FRMD3: variants seen among roughly 807,000 people sequenced by gnomAD.
The protein encoded by FRMD3 is FERM domain containing 3, also known as FERM domain-containing protein 3.
FRMD3 carries 33 observed loss-of-function variants against 70.2 expected under a neutral mutation model. The observed-to-expected ratio is 0.47, with a 90% CI of 0.36 to 0.63. The LOEUF (loss-of-function observed/expected upper bound fraction) is 0.63. Ranked by LOEUF, FRMD3 falls within the 20% of genes least tolerant of loss-of-function variation. The probability of loss-of-function intolerance (pLI) is 0.00; values close to 1 mark genes in which losing one functional copy is unlikely to be tolerated. For synonymous variants in FRMD3, 279 were observed against 255.9 expected (o/e 1.09, Z -0.86); for missense variants, 632 against 711.4 (o/e 0.89, Z 1.27).
intron 1 of FRMD3, among the ~76,000 whole-genome samples, chr9:83,442,376 G>A (rs984416347): frequency 6.7e-6 from 1 of 150,198 alleles, no homozygotes; most frequent in Non-Finnish European, 1.5e-5. Flanking sequence ...TCCTGCCTCA[G>A]CCTCCCAAGT....
At chr9:83,306,612 T>C (rs915262933) in intron 10 of FRMD3, among the ~76,000 whole-genome samples, 1 of 152,110 alleles carries the variant, frequency 6.6e-6, no homozygotes, top group Non-Finnish European at 1.5e-5. Flanking sequence ...TTTTTTCATT[T>C]CCCCCTTGGT....
intron 3 of FRMD3, 135 bp downstream of exon 3, chr9:83,372,778 G>A (rs1025694710): frequency 2.6e-6 from 2 of 770,244 alleles, no homozygotes; most frequent in African/African-American, 1.7e-5. Flanking sequence ...GAGCTCTCCT[G>A]GGGAGAGAGA....
chr9:83,417,519 T>C (rs1433194822), intron 1 of FRMD3, among the ~76,000 whole-genome samples: 1 of 152,204 alleles, frequency 6.6e-6, no homozygotes, highest in East Asian at 1.9e-4. Flanking sequence ...ATGTTTCCTA[T>C]ATGGAAACAG....
At chr9:83,467,738 G>C in intron 1 of FRMD3, 1 of 1,522,830 alleles carries the variant, frequency 6.6e-7, no homozygotes, top group Non-Finnish European at 8.8e-7. Context: ...GGGAGCTCTA[G>C]GGCTCCAATC....
chr9:83,520,366 A>G (rs909072525), intron 1 of FRMD3, among the ~76,000 whole-genome samples: 4 of 152,248 alleles, frequency 2.6e-5, no homozygotes, highest in African/African-American at 7.2e-5. Flanking sequence ...TTATGAAAGT[A>G]ACACATGCTT....
chr9:83,277,751 G>T (rs1233669319), intron 13 of FRMD3, among the ~76,000 whole-genome samples: 2 of 152,180 alleles, frequency 1.3e-5, no homozygotes, highest in Non-Finnish European at 2.9e-5. Flanking sequence ...TATTCTACTT[G>T]TATGCTTTCT....
chr9:83,270,642 T>C (rs972039524), intron 13 of FRMD3, among the ~76,000 whole-genome samples: 1 of 152,240 alleles, frequency 6.6e-6, no homozygotes, highest in Non-Finnish European at 1.5e-5. Context: ...GTTCCAATCC[T>C]GGCTGCATCG....
the FRMD3 span, among the ~76,000 whole-genome samples, chr9:83,549,279 T>C: frequency 2.6e-5 from 4 of 152,270 alleles, no homozygotes; most frequent in Admixed American, 2.6e-4. Flanking sequence ...GTAAAATATA[T>C]GATATTGTTC....
intron 1 of FRMD3, among the ~76,000 whole-genome samples, chr9:83,479,345 A>G (rs28645915): frequency 0.56 from 59,246 of 105,590 alleles, 12,791 homozygotes; most frequent in African/African-American, 0.62. Context: ...AAGAGGAAGA[A>G]GGAGGAGGAG....
chr9:83,334,231 G>A (rs1458709226), intron 6 of FRMD3, among the ~76,000 whole-genome samples: 1 of 152,140 alleles, frequency 6.6e-6, no homozygotes, highest in Non-Finnish European at 1.5e-5. Flanking sequence ...AGAATTTCAT[G>A]TATCTTCAAC....
intron 1 of FRMD3, among the ~76,000 whole-genome samples, chr9:83,410,114 G>C (rs1371590555): frequency 1.3e-5 from 2 of 152,106 alleles, no homozygotes; most frequent in African/African-American, 4.8e-5. Flanking sequence ...GAAGAACCAG[G>C]AAACCCTAAA....
intron 1 of FRMD3, among the ~76,000 whole-genome samples, chr9:83,534,364 T>A (rs1166584351): frequency 6.6e-6 from 1 of 152,246 alleles, no homozygotes; most frequent in Non-Finnish European, 1.5e-5. Context: ...CTAGGTTGTG[T>A]GTTTGAAAGT....
At chr9:83,314,996 C>T (rs1239263526) in intron 6 of FRMD3, among the ~76,000 whole-genome samples, 1 of 152,148 alleles carries the variant, frequency 6.6e-6, no homozygotes, top group Admixed American at 6.5e-5. Flanking sequence ...TTCAAATGTC[C>T]AGCCTGCTAA....
intron 1 of FRMD3, among the ~76,000 whole-genome samples, chr9:83,423,839 A>G (rs934712017): frequency 6.6e-6 from 1 of 151,624 alleles, no homozygotes; most frequent in Non-Finnish European, 1.5e-5. Context: ...CAGGTGATCC[A>G]CTTGCCGCTG....
intron 3 of FRMD3, among the ~76,000 whole-genome samples, chr9:83,372,074 C>G (rs1440106144): frequency 6.6e-6 from 1 of 152,154 alleles, no homozygotes; most frequent in Non-Finnish European, 1.5e-5. Context: ...TGACGAGAAA[C>G]TGATTCATCA....
At chr9:83,304,649 C>T (rs1835054822) in intron 10 of FRMD3, among the ~76,000 whole-genome samples, 2 of 152,218 alleles carry the variant, frequency 1.3e-5, no homozygotes, top group Admixed American at 1.3e-4. Context: ...ATTGGGAACA[C>T]AGTGTCATAC....
rs796548420 is a variant in FRMD3, at chr9:83,457,936, A to G, written c.148-68228T>C. Among the ~76,000 whole-genome samples the G allele has an allele frequency of 1.4e-4, 21 of 151,834 alleles. 1 individual carries two copies. The highest frequency in any genetic ancestry group is 4.8e-4 in the African/African-American group (20 of 41,402). On this transcript the variant is annotated intron_variant, in intron 1 of 13. Coordinates refer to ENST00000304195, the MANE Select transcript of FRMD3 (RefSeq NM_174938.6). ...ATTGTTATTCCTCAAGTATACCTCA[A>G]TAAAGCTGAAAAAGTAAATAAAATA...
chr9:83,305,804 A>G (rs1835107504), intron 10 of FRMD3, among the ~76,000 whole-genome samples: 2 of 152,226 alleles, frequency 1.3e-5, no homozygotes, highest in Non-Finnish European at 2.9e-5. Flanking sequence ...GGTTAACTAT[A>G]GCCAAAGTGC....
At chr9:83,585,193 G>A in the FRMD3 span, among the ~76,000 whole-genome samples, 2 of 152,108 alleles carry the variant, frequency 1.3e-5, no homozygotes, top group African/African-American at 4.8e-5. Context: ...CAGCCCTGCA[G>A]GATGCCACCG....
Sources: gnomAD v4.1 joint callset for allele counts (sites outside exome capture counted in the v4.1 genomes callset) on GRCh38, gnomAD v4.1.1 for gene constraint, MANE v1.5 for transcripts, NCBI Gene and HGNC (gene_info 2026-07-23, HGNC 2026-07-21) for gene names.